The following RABL3 variants were observed in gnomAD, a reference collection of about 807,000 sequenced individuals.
The protein encoded by RABL3 is RAB, member of RAS oncogene family like 3.
Under a neutral mutation model 31.8 loss-of-function variants are expected in RABL3, and 31 were observed. The ratio of observed to expected loss-of-function variants is 0.97; its 90% CI spans 0.73 to 1.31. RABL3 has a LOEUF of 1.31. RABL3 is among the 40% of genes most tolerant of loss of function. RABL3 has a pLI of 0.00. For missense variants in RABL3, 263 were observed against 279.6 expected (o/e 0.94, Z 0.42); for synonymous variants, 97 against 99.9 (o/e 0.97, Z 0.18).
intron 2 of RABL3, among the ~76,000 whole-genome samples, chr3:120,726,395 T>C (rs1708821408): frequency 6.6e-6 from 1 of 152,092 alleles, no homozygotes; most frequent in African/African-American, 2.4e-5. Context: ...GAGGCCAAGG[T>C]TGCAGGATTG....
At chr3:120,725,974 T>C (rs1314424359) in intron 2 of RABL3, among the ~76,000 whole-genome samples, 3 of 152,068 alleles carry the variant, frequency 2.0e-5, no homozygotes, top group African/African-American at 7.2e-5. Context: ...AAAACTAAAT[T>C]AAAAAAATTT....
chr3:120,717,680 G>T (rs998367149), intron 2 of RABL3, among the ~76,000 whole-genome samples: 1 of 152,110 alleles, frequency 6.6e-6, no homozygotes, highest in African/African-American at 2.4e-5. Flanking sequence ...TGTTGACCAG[G>T]CTGGTCTCAA....
rs574693376 is a variant in RABL3, at chr3:120,712,949, C to T, written c.139-3040G>A. 7.9e-5 allele frequency among the ~76,000 whole-genome samples: 12 copies of T among 152,036 alleles called. No individual in the cohort carries two copies. In the South Asian group the frequency reaches 2.3e-3, roughly 29 times the overall value. ...TGTCCTTGAAACTTCTGGGATGGGG[C>T]TCAAGAGTCTGTATTTTTTTTTTTT... On this transcript the variant is annotated intron_variant, in intron 2 of 7. Coordinates refer to ENST00000273375, the MANE Select transcript of RABL3 (RefSeq NM_173825.5).
At chr3:120,692,582 A>C (rs1321270608) in intron 6 of RABL3, among the ~76,000 whole-genome samples, 1 of 152,184 alleles carries the variant, frequency 6.6e-6, no homozygotes, top group Non-Finnish European at 1.5e-5. Context: ...CTTTGGTTTC[A>C]GGCAACCACC....
intron 2 of RABL3, among the ~76,000 whole-genome samples, chr3:120,713,689 C>T (rs370113705): frequency 3.9e-5 from 6 of 152,114 alleles, no homozygotes; most frequent in South Asian, 2.1e-4. Context: ...TACTCCTCAA[C>T]GATGCTGCCA....
intron 3 of RABL3, among the ~76,000 whole-genome samples, chr3:120,706,496 T>A (rs1364089000): frequency 3.3e-5 from 5 of 151,954 alleles, no homozygotes; most frequent in Admixed American, 6.6e-5. Flanking sequence ...CAAAAAGTTA[T>A]GTTGTTTCTT....
intron 6 of RABL3, among the ~76,000 whole-genome samples, chr3:120,693,289 TC>T (rs371823122): frequency 4.7e-4 from 72 of 152,126 alleles, no homozygotes; most frequent in Middle Eastern, 3.4e-3. Context: ...AAATATTAAA[TC>T]CCAAATTATC....
intron 2 of RABL3, among the ~76,000 whole-genome samples, chr3:120,715,831 A>C (rs1420858841): frequency 6.6e-6 from 1 of 152,120 alleles, no homozygotes; most frequent in Non-Finnish European, 1.5e-5. Flanking sequence ...TTTGAATCGC[A>C]GTTCCATAAC....
Position 120,706,024 on chromosome 3 carries a change from G to T in RABL3, c.359C>A (p.Pro120Gln). The change falls in exon 4 of 8, where the codon CCA (proline) becomes CAA (glutamine). Residue 120 changes from proline to glutamine, a missense_variant. Coordinates refer to ENST00000273375, the MANE Select transcript of RABL3 (RefSeq NM_173825.5). ...CCCATTTGTCACCAAGACTCCAGTT[G>T]GCACCAAATCCCTGTTGAGAGCTTC... ...SLEALNRDLV[P>Q]TGVLVTNGDY... The T allele has an allele frequency of 6.2e-7, 1 of 1,612,282 alleles. No homozygotes were observed. The highest frequency in any genetic ancestry group is 8.5e-7 in the Non-Finnish European group (1 of 1,178,408).
chr3:120,737,727 G>A (rs1708988735), intron 1 of RABL3, among the ~76,000 whole-genome samples: 1 of 152,216 alleles, frequency 6.6e-6, no homozygotes, highest in Non-Finnish European at 1.5e-5. Context: ...CTGTTTGTCA[G>A]TTTTCCTTCT....
Position 120,689,664 on chromosome 3 carries a change from ATTGTCACTTCCTTTCATTT to A in RABL3, c.*140_*158del. On this transcript the variant is annotated 3_prime_UTR_variant, in exon 8 of 8. Transcript: ENST00000273375. ...CAGGGACAAAGTTTGGACCTCCCGTATTGTCACTTCCTTTCATTTTTCCATTAAAGGGTAAGGCTGAAGG... is the reference window on the plus strand; with the variant it reads ...CAGGGACAAAGTTTGGACCTCCCGTATTCCATTAAAGGGTAAGGCTGAAGG... 1 of 590,614 alleles carries A rather than the reference ATTGTCACTTCCTTTCATTT, an allele frequency of 1.7e-6. No homozygotes were observed. Among genetic ancestry groups the A allele is most frequent in the Non-Finnish European group, 3.0e-6 (1 of 329,806 alleles). 36.6% of individuals were successfully genotyped at this position (590,614 alleles called of 1,614,324 possible).
intron 1 of RABL3, among the ~76,000 whole-genome samples, chr3:120,735,490 A>C (rs1214336552): frequency 1.3e-5 from 2 of 152,032 alleles, no homozygotes; most frequent in Non-Finnish European, 1.5e-5. Flanking sequence ...CTTTTCAAAA[A>C]ACCAGCTCCT....
Position 120,704,203 on chromosome 3 carries a change from C to T in RABL3, c.383+1797G>A, listed in dbSNP as rs540040825. ...AGCAACACATAAAATGAATAATACA[C>T]CATGACCAAGGAATGGAAGGCTGGT... On this transcript the variant is annotated intron_variant, in intron 4 of 7. Coordinates refer to ENST00000273375, the MANE Select transcript of RABL3 (RefSeq NM_173825.5). Among the ~76,000 whole-genome samples the T allele has an allele frequency of 7.6e-4, 116 of 152,244 alleles. 1 individual carries two copies. The highest frequency in any genetic ancestry group is 2.7e-3 in the African/African-American group (112 of 41,544).
At chr3:120,729,458 G>C (rs1337404593) in intron 2 of RABL3, among the ~76,000 whole-genome samples, 1 of 152,064 alleles carries the variant, frequency 6.6e-6, no homozygotes, top group African/African-American at 2.4e-5. Flanking sequence ...CCATGAAGTA[G>C]AGTAGCATAT....
intron 2 of RABL3, among the ~76,000 whole-genome samples, chr3:120,720,129 C>A (rs1192414830): frequency 1.3e-5 from 2 of 152,216 alleles, no homozygotes; most frequent in Non-Finnish European, 2.9e-5. Context: ...AGGGTCCTGA[C>A]TGTTAGAAGG....
chr3:120,741,127 T>C (rs1709037740), intron 1 of RABL3, among the ~76,000 whole-genome samples: 1 of 152,258 alleles, frequency 6.6e-6, no homozygotes, highest in South Asian at 2.1e-4. Context: ...CTGTTAGTTC[T>C]GGATTGTAAA....
Position 120,694,198 on chromosome 3 carries a change from A to G in RABL3, c.561T>C (p.Ala187=). The G allele has an allele frequency of 1.2e-6, 2 of 1,611,558 alleles. No homozygotes were observed. The highest frequency in any genetic ancestry group is 1.7e-6 in the Non-Finnish European group (2 of 1,178,084). Residue 187 remains alanine (A), a synonymous_variant, in exon 6 of 8, where the codon GCT becomes GCC. Coordinates refer to ENST00000273375, the MANE Select transcript of RABL3 (RefSeq NM_173825.5). ...NLDCTNPRYL[A]AGSSNAVKLS... ...GCTTGACAGCATTGGAAGAACCTGCAGCTAAGTACCGTGGATTTGTGCAGT... is the reference window on the plus strand; with the variant it reads ...GCTTGACAGCATTGGAAGAACCTGCGGCTAAGTACCGTGGATTTGTGCAGT...
At chr3:120,701,986 T>C (rs939085331) in intron 4 of RABL3, among the ~76,000 whole-genome samples, 2 of 152,204 alleles carry the variant, frequency 1.3e-5, no homozygotes, top group Non-Finnish European at 2.9e-5. Context: ...TTTCCTTCCA[T>C]ATCCCCTTGT....
intron 1 of RABL3, among the ~76,000 whole-genome samples, chr3:120,731,961 A>G (rs566375164): frequency 2.6e-5 from 4 of 152,148 alleles, no homozygotes; most frequent in Non-Finnish European, 5.9e-5. Context: ...CAGCAGGCTG[A>G]GGCAGGATGA....
Sources: gnomAD v4.1 joint callset for allele counts (sites outside exome capture counted in the v4.1 genomes callset) on GRCh38, gnomAD v4.1.1 for gene constraint, MANE v1.5 for transcripts, NCBI Gene and HGNC (gene_info 2026-07-23, HGNC 2026-07-21) for gene names.